IQCH: variants seen among roughly 807,000 people sequenced by gnomAD.
IQCH encodes IQ domain-containing protein H.
Under a neutral mutation model 117.0 loss-of-function variants are expected in IQCH, and 98 were observed. The ratio of observed to expected loss-of-function variants is 0.84; its 90% CI spans 0.71 to 0.99. IQCH has a LOEUF of 0.99. IQCH is among the 50% of genes least tolerant of loss of function. The pLI is 0.00. For missense variants in IQCH, 1,102 were observed against 1,243.8 expected, an observed-to-expected ratio of 0.89 and a Z score of 1.72; for synonymous variants, 412 against 448.2, an observed-to-expected ratio of 0.92 and a Z score of 1.02.
intron 3 of IQCH, among the ~76,000 whole-genome samples, chr15:67,270,613 G>T (rs1262868052): frequency 6.6e-6 from 1 of 152,142 alleles, no homozygotes; most frequent in African/African-American, 2.4e-5. Context: ...TGGTTGAAAA[G>T]AGACAGGCAC....
chr15:67,310,336 T>G (rs1967524901), intron 4 of IQCH, among the ~76,000 whole-genome samples: 1 of 152,150 alleles, frequency 6.6e-6, no homozygotes, highest in Admixed American at 6.6e-5. Flanking sequence ...CATTTGAATT[T>G]CCCATAAAGG....
chr15:67,425,890 T>G lies in IQCH; in HGVS notation c.2505+4313T>G, dbSNP rs1423464384. Among the ~76,000 whole-genome samples, 1 of 152,244 alleles carries G rather than the reference T, an allele frequency of 6.6e-6. No individual in the cohort carries two copies. Among genetic ancestry groups the G allele is most frequent in the African/African-American group, 2.4e-5 (1 of 41,468 alleles). On this transcript the variant is annotated intron_variant, in intron 16 of 20. Transcript: ENST00000335894. The surrounding 1 kb of genome is among the most constrained non-coding windows in gnomAD (Gnocchi z 5.5). ...ATGCCTGTAGGTCTGTATGTATTTA[T>G]GTCAGTATGAAGTCATGGGTTTCTA...
Position 67,417,701 on chromosome 15 carries a change from G to A in IQCH, c.2218+650G>A, listed in dbSNP as rs1349026273. 6.6e-6 allele frequency among the ~76,000 whole-genome samples: 1 copy of A among 152,070 alleles called. No homozygotes were observed. Among genetic ancestry groups the A allele is most frequent in the East Asian group, 1.9e-4 (1 of 5,190 alleles). ...GGAATGAATGGAGTGAATGATGCCT[G>A]TCTACCGTCTCAGAGGTCCCTGTCA... On this transcript the variant is annotated intron_variant, in intron 15 of 20. Transcript: ENST00000335894. The surrounding 1 kb of genome is among the most constrained non-coding windows in gnomAD (Gnocchi z 4.3).
chr15:67,388,783 G>T lies in IQCH; in HGVS notation c.1457-48G>T. 6.7e-7 allele frequency: 1 copy of T among 1,495,428 alleles called. No homozygotes were observed. Among genetic ancestry groups the T allele is most frequent in the Non-Finnish European group, 9.3e-7 (1 of 1,077,106 alleles). The allele number at this position is 1,495,428 out of a possible 1,614,324, so 92.6% of individuals were successfully genotyped here. ...CCAATCGGATGCCAGAGTTCATAAT[G>T]TCATTTACCTTCACACCAGTAATTA... On this transcript the variant is annotated intron_variant, in intron 11 of 20. Coordinates refer to ENST00000335894, the MANE Select transcript of IQCH (RefSeq NM_001031715.3). The surrounding 1 kb of genome is among the most constrained non-coding windows in gnomAD (Gnocchi z 5.5).
intron 8 of IQCH, among the ~76,000 whole-genome samples, chr15:67,367,704 G>T (rs1392764467): frequency 1.3e-5 from 2 of 152,106 alleles, no homozygotes; most frequent in African/African-American, 4.8e-5. Flanking sequence ...TGTGGGCACT[G>T]GTGGTACGGG....
chr15:67,284,571 C>G (rs891393336), intron 4 of IQCH, among the ~76,000 whole-genome samples: 3 of 152,110 alleles, frequency 2.0e-5, no homozygotes, highest in Non-Finnish European at 4.4e-5. Flanking sequence ...GGTATTAAGC[C>G]TAGTACCCAT....
chr15:67,345,562 C>T (rs1969350605), intron 6 of IQCH, among the ~76,000 whole-genome samples: 1 of 152,100 alleles, frequency 6.6e-6, no homozygotes, highest in South Asian at 2.1e-4. Flanking sequence ...TTATTCTGCC[C>T]CAACAACCTA....
rs1419028395 is a variant in IQCH at position 67,500,588 on chromosome 15, G to T, written c.2971-45G>T. 1 of 956,840 alleles carries T rather than the reference G, an allele frequency of 1.0e-6. No homozygotes were observed. 59.3% of individuals were successfully genotyped at this position (956,840 alleles called of 1,614,324 possible). A position where few individuals can be genotyped will look rare whatever the true frequency, so the allele number is the denominator to read the frequency against. On this transcript the variant is annotated intron_variant, in intron 20 of 20. Transcript: ENST00000335894. This position sits in a 1 kb window ranked among gnomAD's most constrained non-coding sequence, Gnocchi z 4.4. Reference sequence around the variant, plus strand: ...AAGGACCAGATGCTTGGGGGAGAGGGATTGTAAGAGGTCTTTAAGTAATAA... The same window carrying T: ...AAGGACCAGATGCTTGGGGGAGAGGTATTGTAAGAGGTCTTTAAGTAATAA...
At chr15:67,312,857 A>G (rs1236182886) in intron 4 of IQCH, among the ~76,000 whole-genome samples, 4 of 152,152 alleles carry the variant, frequency 2.6e-5, no homozygotes, top group East Asian at 1.9e-4. Flanking sequence ...ATGAATAAAT[A>G]CTATTGCTGT....
intron 20 of IQCH, among the ~76,000 whole-genome samples, chr15:67,495,933 A>G (rs1015359900): frequency 3.3e-5 from 5 of 152,196 alleles, no homozygotes; most frequent in Non-Finnish European, 7.3e-5. Context: ...CTTTGCTAGT[A>G]TTTTCTGTCT....
At chr15:67,312,269 G>T (rs539546580) in intron 4 of IQCH, among the ~76,000 whole-genome samples, 1 of 152,044 alleles carries the variant, frequency 6.6e-6, no homozygotes, top group African/African-American at 2.4e-5. Context: ...AGGGTACAGG[G>T]GTCTATGGGT....
rs188911352 is a variant in IQCH, at chr15:67,416,826, C to T, written c.2098-105C>T. The T allele has an allele frequency of 5.7e-6, 5 of 877,880 alleles. No homozygotes were observed. Among genetic ancestry groups the T allele is most frequent in the Admixed American group, 8.0e-5 (2 of 25,098 alleles). The allele number at this position is 877,880 out of a possible 1,614,324, so 54.4% of individuals were successfully genotyped here. ...CTTTCTGACTCTGGGTAAACAGTAA[C>T]CACATTTTTTTTGCCTGTTGGAGGC... On this transcript the variant is annotated intron_variant, in intron 14 of 20. Transcript: ENST00000335894. The surrounding 1 kb of genome is among the most constrained non-coding windows in gnomAD (Gnocchi z 5.1).
Position 67,404,534 on chromosome 15 carries a change from A to C in IQCH, c.2097+4229A>C, listed in dbSNP as rs1043603181. 1.3e-5 allele frequency: 2 copies of C among 152,202 alleles called. No individual in the cohort carries two copies. Among genetic ancestry groups the C allele is most frequent in the African/African-American group, 4.8e-5 (2 of 41,438 alleles). The allele number at this position is 152,202 out of a possible 1,614,324, so 9.4% of individuals were successfully genotyped here. ...AGATAACAAGATTAAAAAAAATTTA[A>C]AAGTACATAATCACTGTCCCCAAAC... On this transcript the variant is annotated intron_variant, in intron 14 of 20. Coordinates refer to ENST00000335894, the MANE Select transcript of IQCH (RefSeq NM_001031715.3). The surrounding 1 kb of genome is among the most constrained non-coding windows in gnomAD (Gnocchi z 4.6).
chr15:67,450,490 T>G (rs1277344175), intron 16 of IQCH, among the ~76,000 whole-genome samples: 4 of 152,210 alleles, frequency 2.6e-5, no homozygotes, highest in Non-Finnish European at 5.9e-5. Flanking sequence ...TCATGTGGTT[T>G]TTGTCTTTGG....
At chr15:67,412,643 C>G (rs1474706949) in intron 14 of IQCH, among the ~76,000 whole-genome samples, 2 of 152,160 alleles carry the variant, frequency 1.3e-5, no homozygotes, top group East Asian at 3.8e-4. Flanking sequence ...AAGTGATCCA[C>G]CCACCTCGGC....
intron 8 of IQCH, among the ~76,000 whole-genome samples, chr15:67,371,763 A>G (rs1410667415): frequency 2.0e-5 from 3 of 152,368 alleles, no homozygotes; most frequent in African/African-American, 7.2e-5. Flanking sequence ...TTCTCAGACC[A>G]TGCGTGCATG....
intron 17 of IQCH, among the ~76,000 whole-genome samples, chr15:67,470,472 C>G (rs2083045349): frequency 6.6e-6 from 1 of 152,182 alleles, no homozygotes; most frequent in South Asian, 2.1e-4. Flanking sequence ...GCCACTGCGC[C>G]TGGCTGGAGT....
Position 67,442,383 on chromosome 15 carries a change from G to A in IQCH, c.2505+20806G>A, listed in dbSNP as rs147280368. ...CAAGATCACGCCATTGCACTCCAGC[G>A]TGGGCAACAGGAGCGAAACTCCATC... On this transcript the variant is annotated intron_variant, in intron 16 of 20. Transcript: ENST00000335894. 5.7e-3 allele frequency among the ~76,000 whole-genome samples: 866 copies of A among 151,742 alleles called. 10 individuals carry two copies. Among genetic ancestry groups the A allele is most frequent in the African/African-American group, 0.02 (812 of 41,340 alleles).
At chr15:67,480,452 C>T (rs1480308972) in intron 18 of IQCH, among the ~76,000 whole-genome samples, 1 of 152,170 alleles carries the variant, frequency 6.6e-6, no homozygotes, top group East Asian at 1.9e-4. Flanking sequence ...CCTGCGTGTA[C>T]TCACAGTGAT....
Sources: gnomAD v4.1 joint callset for allele counts (sites outside exome capture counted in the v4.1 genomes callset) on GRCh38, gnomAD v4.1.1 for gene constraint, Gnocchi (gnomAD v3.1) non-coding constraint, MANE v1.5 for transcripts, NCBI Gene and HGNC (gene_info 2026-07-23, HGNC 2026-07-21) for gene names.